HOXD3: variants seen among roughly 807,000 people sequenced by gnomAD.
HOXD3 encodes the protein homeobox protein Hox-D3.
HOXD3 carries 13 observed loss-of-function variants against 32.8 expected under a neutral mutation model. The ratio of observed to expected loss-of-function variants is 0.40; its 90% CI spans 0.26 to 0.63. HOXD3 has a LOEUF of 0.63. HOXD3 is among the 20% of genes least tolerant of loss of function. HOXD3 has a pLI of 0.44. For missense variants in HOXD3, 504 were observed against 577.1 expected (o/e 0.87, Z 1.30); for synonymous variants, 241 against 246.8 (o/e 0.98, Z 0.22).
chr2:176,162,326 A>G (rs1690834559), intron 1 of HOXD3, among the ~76,000 whole-genome samples: 1 of 152,210 alleles, frequency 6.6e-6, no homozygotes, highest in African/African-American at 2.4e-5. Context: ...GAAAATTTCA[A>G]TAATCCCTAC....
intron 3 of HOXD3, 90 bp downstream of exon 3, chr2:176,169,745 G>A: frequency 3.5e-6 from 5 of 1,447,842 alleles, no homozygotes; most frequent in Non-Finnish European, 3.7e-6. Flanking sequence ...CAACCTTGGA[G>A]GTCATATGTC....
chr2:176,171,731 C>A lies in HOXD3; in HGVS notation c.756C>A (p.Asp252Glu). Residue 252 changes from aspartate to glutamate, a missense_variant, in exon 4 of 4, where the codon GAC becomes GAA. By Grantham distance (45) the Asp-to-Glu change is conservative (BLOSUM62 2). Coordinates refer to ENST00000683222, the MANE Select transcript of HOXD3 (RefSeq NM_006898.5). Reference sequence around the variant, plus strand: ...ACCGGCGCATGAAGTACAAGAAGGACCAGAAGGCCAAGGGCATCCTGCACT... The same window carrying A: ...ACCGGCGCATGAAGTACAAGAAGGAACAGAAGGCCAAGGGCATCCTGCACT... ...FQNRRMKYKK[D>E]QKAKGILHSP... The A allele has an allele frequency of 6.2e-7, 1 of 1,614,126 alleles. No individual in the cohort carries two copies. The highest frequency in any genetic ancestry group is 8.5e-7 in the Non-Finnish European group (1 of 1,180,044).
At position 176,172,535 on chromosome 2, in the gene HOXD3, G is replaced by A; in HGVS notation, c.*261G>A. 1 of 505,182 alleles carries A rather than the reference G, an allele frequency of 2.0e-6. No homozygotes were observed. The highest frequency in any genetic ancestry group is 3.5e-6 in the Non-Finnish European group (1 of 287,178). 31.3% of individuals were successfully genotyped at this position (505,182 alleles called of 1,614,324 possible). A position where few individuals can be genotyped will look rare whatever the true frequency, so the allele number is the denominator to read the frequency against. On this transcript the variant is annotated 3_prime_UTR_variant, in exon 4 of 4. Coordinates refer to ENST00000683222, the MANE Select transcript of HOXD3 (RefSeq NM_006898.5). ...ACAGTGCCACATACTGCGGACCAAGGGACTCCAATCTGGTAATGGTGTCCC... is the reference window on the plus strand; with the variant it reads ...ACAGTGCCACATACTGCGGACCAAGAGACTCCAATCTGGTAATGGTGTCCC...
chr2:176,152,612 C>T, upstream of HOXD3: 1 of 1,613,832 alleles, frequency 6.2e-7, no homozygotes, highest in Non-Finnish European at 8.5e-7. This position sits in a 1 kb window ranked among gnomAD's most constrained non-coding sequence, Gnocchi z 5.2. Flanking sequence ...TCGCAGTGAA[C>T]CCCAACTACA....
At chr2:176,160,669 G>A (rs1690772330) in intron 1 of HOXD3, among the ~76,000 whole-genome samples, 1 of 152,208 alleles carries the variant, frequency 6.6e-6, no homozygotes, top group Non-Finnish European at 1.5e-5. Flanking sequence ...GGGTTTCCGG[G>A]GCTCTCTCCA....
intron 1 of HOXD3, among the ~76,000 whole-genome samples, chr2:176,162,913 C>A (rs1238775386): frequency 6.6e-6 from 1 of 152,146 alleles, no homozygotes; most frequent in East Asian, 1.9e-4. Flanking sequence ...CGTCCGCCCA[C>A]GTGAATGTAT....
intron 2 of HOXD3, 100 bp from the exon 3 acceptor site, chr2:176,168,931 G>C (rs904089965): frequency 7.3e-6 from 6 of 826,316 alleles, no homozygotes; most frequent in Non-Finnish European, 1.1e-5. Flanking sequence ...TCTCCCCGCC[G>C]TGAAGTGGGT....
intron 2 of HOXD3, chr2:176,165,428 G>T (rs994954482): frequency 2.0e-5 from 3 of 152,484 alleles, no homozygotes; most frequent in African/African-American, 7.2e-5. Flanking sequence ...GGGCCGGCGG[G>T]CCCGGGGAAG....
chr2:176,172,375 G>A lies in HOXD3; in HGVS notation c.*101G>A, dbSNP rs1348460843. 3 of 1,204,552 alleles carry A rather than the reference G, an allele frequency of 2.5e-6. No homozygotes were observed. Among genetic ancestry groups the A allele is most frequent in the African/African-American group, 3.1e-5 (2 of 64,994 alleles). 74.6% of individuals were successfully genotyped at this position (1,204,552 alleles called of 1,614,324 possible). A position where few individuals can be genotyped will look rare whatever the true frequency, so the allele number is the denominator to read the frequency against. ...GGGCAGTTCGGGAACCCCCTTCCCC[G>A]CTCTTGCCCTGCCGCCGCCTCCCGG... is the stretch of plus-strand genomic sequence containing the variant. On this transcript the variant is annotated 3_prime_UTR_variant, in exon 4 of 4. Coordinates refer to ENST00000683222, the MANE Select transcript of HOXD3 (RefSeq NM_006898.5).
intron 1 of HOXD3, among the ~76,000 whole-genome samples, chr2:176,160,147 G>A (rs536113346): frequency 2.0e-5 from 3 of 152,332 alleles, no homozygotes; most frequent in Admixed American, 6.5e-5. Context: ...TCCTCGCCCT[G>A]GGAGGAGCTG....
At chr2:176,161,899 C>G (rs1690816641) in intron 1 of HOXD3, among the ~76,000 whole-genome samples, 1 of 152,212 alleles carries the variant, frequency 6.6e-6, no homozygotes, top group Non-Finnish European at 1.5e-5. Flanking sequence ...CTCCCTGTGG[C>G]TACTGGCTGG....
At chr2:176,154,926 G>A (rs1321837575), upstream of HOXD3, among the ~76,000 whole-genome samples, 2 of 152,230 alleles carry the variant, frequency 1.3e-5, no homozygotes, top group East Asian at 3.8e-4. Context: ...CTCACGTTGA[G>A]AAGCTGAAAA....
intron 2 of HOXD3, among the ~76,000 whole-genome samples, chr2:176,166,823 G>A (rs1690983264): frequency 6.6e-6 from 1 of 152,164 alleles, no homozygotes; most frequent in Admixed American, 6.5e-5. Flanking sequence ...ACCTACCAAA[G>A]ACTAATTAGA....
At chr2:176,170,165 C>T (rs1691125690) in intron 3 of HOXD3, among the ~76,000 whole-genome samples, 1 of 152,170 alleles carries the variant, frequency 6.6e-6, no homozygotes, top group Admixed American at 6.5e-5. Flanking sequence ...CCCCATTTTA[C>T]AGATAAGAAA....
intron 1 of HOXD3, among the ~76,000 whole-genome samples, chr2:176,158,229 G>T (rs1057411071): frequency 6.6e-6 from 1 of 152,234 alleles, no homozygotes; most frequent in South Asian, 2.1e-4. Context: ...CCGAGTGGGA[G>T]ACCCCGGGGC....
chr2:176,169,386 T>C lies in HOXD3; in HGVS notation c.272T>C (p.Met91Thr), dbSNP rs147184232. 2.2e-5 allele frequency: 36 copies of C among 1,613,790 alleles called. No homozygotes were observed. The highest frequency in any genetic ancestry group is 2.8e-5 in the Non-Finnish European group (33 of 1,179,970). ...GGAGCTGAACTCAATGGCAGCTGCA[T>C]GCGGCCGGGCACTGGGAACAGCCAG... ...HKGAELNGSCMRPGTGNSQGG... is the reference protein window; with the variant it reads ...HKGAELNGSCTRPGTGNSQGG... Residue 91 changes from methionine to threonine, a missense_variant, in exon 3 of 4, where the codon ATG becomes ACG. By Grantham distance (81) the Met-to-Thr change is moderately conservative. Coordinates refer to ENST00000683222, the MANE Select transcript of HOXD3 (RefSeq NM_006898.5).
chr2:176,154,710 A>G (rs970512146), upstream of HOXD3, among the ~76,000 whole-genome samples: 1 of 152,214 alleles, frequency 6.6e-6, no homozygotes, highest in African/African-American at 2.4e-5. Context: ...AGTGTCTTCC[A>G]AGCCTTGGTC....
At position 176,159,576 on chromosome 2, in the gene HOXD3, C is replaced by T. The variant is rs1005559388; in HGVS notation, c.-181+2124C>T. 2.0e-5 allele frequency among the ~76,000 whole-genome samples: 3 copies of T among 152,198 alleles called. No individual in the cohort carries two copies. In the East Asian group the frequency reaches 5.8e-4, roughly 29 times the overall value. On this transcript the variant is annotated intron_variant, in intron 1 of 3. Transcript: ENST00000683222. ...GTGGTGCGGGATTCCCGAGTGTGGC[C>T]CCGGCTGGGGGAGGGTCTTGGGCGC...
At chr2:176,153,137 G>C (rs540913179), upstream of HOXD3, 399 of 516,836 alleles carry the variant, frequency 7.7e-4, 13 homozygotes, top group African/African-American at 6.8e-3. Flanking sequence ...GGGATGGGAG[G>C]GGGGGCGGGA....
Sources: gnomAD v4.1 joint callset for allele counts (sites outside exome capture counted in the v4.1 genomes callset) on GRCh38, gnomAD v4.1.1 for gene constraint, Gnocchi (gnomAD v3.1) non-coding constraint, MANE v1.5 for transcripts, NCBI Gene and HGNC (gene_info 2026-07-23, HGNC 2026-07-21) for gene names.